The following DNAH11 variants were observed in gnomAD, a reference collection of about 807,000 sequenced individuals.
DNAH11 encodes the protein dynein axonemal heavy chain 11, also known as axonemal beta dynein heavy chain 11.
In DNAH11, 442 loss-of-function variants were observed where a neutral mutation model predicts 526.0. The ratio of observed to expected loss-of-function variants is 0.84; its 90% CI spans 0.78 to 0.91. The LOEUF (loss-of-function observed/expected upper bound fraction) is 0.91, where lower values mean the gene tolerates loss of function less well. Among genes scored for constraint, DNAH11 ranks in the 40% least tolerant of loss-of-function variants. DNAH11 has a pLI of 0.00. For missense variants in DNAH11, 6,989 were observed against 5,448.7 expected (o/e 1.28, Z -8.90); for synonymous variants, 2,461 against 1,935.9 (o/e 1.27, Z -7.12).
At chr7:21,571,021 G>A (rs1317897399) in intron 7 of DNAH11, among the ~76,000 whole-genome samples, 2 of 151,956 alleles carry the variant, frequency 1.3e-5, no homozygotes, top group Non-Finnish European at 2.9e-5. Flanking sequence ...GAGAATTCTC[G>A]TAATCACTTA....
chr7:21,821,325 G>A (rs1387810248), intron 65 of DNAH11, among the ~76,000 whole-genome samples: 1 of 152,162 alleles, frequency 6.6e-6, no homozygotes, highest in Non-Finnish European at 1.5e-5. Flanking sequence ...GTAAAAGGAT[G>A]TTGGTTGACC....
chr7:21,554,430 C>T (rs1013042961), intron 2 of DNAH11, among the ~76,000 whole-genome samples: 1 of 152,080 alleles, frequency 6.6e-6, no homozygotes, highest in Non-Finnish European at 1.5e-5. Context: ...CCATCTCGGC[C>T]TCCCAGCATG....
At chr7:21,763,351 A>AAAAAAAAAAAAGAAGAAAG (rs1787011531) in intron 54 of DNAH11, among the ~76,000 whole-genome samples, 1 of 91,106 alleles carries the variant, frequency 1.1e-5, no homozygotes, top group Non-Finnish European at 2.4e-5. Flanking sequence ...AAAAAAAAAA[A>AAAAAAAAAAAAGAAGAAAG]AAAAAGAAAA....
At chr7:21,720,570 C>T (rs183597077) in intron 43 of DNAH11, among the ~76,000 whole-genome samples, 155 bp from the exon 44 acceptor site, 7 of 152,128 alleles carry the variant, frequency 4.6e-5, no homozygotes, top group Non-Finnish European at 1.0e-4. Flanking sequence ...AACTTAGACA[C>T]CCAAGGTGGT....
intron 31 of DNAH11, among the ~76,000 whole-genome samples, chr7:21,682,432 G>A (rs146911368): frequency 1.6e-4 from 24 of 151,422 alleles, no homozygotes; most frequent in Admixed American, 8.6e-4. Context: ...AGGCTGAGGC[G>A]GGAGAATGGT....
At chr7:21,641,865 C>T (rs914862371) in intron 28 of DNAH11, among the ~76,000 whole-genome samples, 1 of 152,050 alleles carries the variant, frequency 6.6e-6, no homozygotes, top group Admixed American at 6.6e-5. Flanking sequence ...AGTACTAGTC[C>T]CCCTCCTTAA....
chr7:21,815,521 A>T (rs1308520330), intron 63 of DNAH11, among the ~76,000 whole-genome samples: 2 of 152,126 alleles, frequency 1.3e-5, no homozygotes, highest in African/African-American at 4.8e-5. Context: ...TCTGTGACAA[A>T]CCAATGAACC....
intron 40 of DNAH11, among the ~76,000 whole-genome samples, chr7:21,710,251 T>C (rs960565852): frequency 3.9e-5 from 6 of 152,218 alleles, no homozygotes. Context: ...TTTTGAGTTT[T>C]AGGTACGTTA....
chr7:21,645,491 C>T (rs536504978), intron 28 of DNAH11, among the ~76,000 whole-genome samples: 10 of 152,158 alleles, frequency 6.6e-5, no homozygotes, highest in South Asian at 6.2e-4. Flanking sequence ...ATGTGGCCAA[C>T]GGCATGAGAA....
At chr7:21,592,064 A>G (rs995370616) in intron 14 of DNAH11, among the ~76,000 whole-genome samples, 5 of 152,028 alleles carry the variant, frequency 3.3e-5, no homozygotes, top group African/African-American at 9.7e-5. Context: ...AACAGAAAAA[A>G]AACACACACA....
At chr7:21,754,588 G>A (rs1786546526) in intron 54 of DNAH11, among the ~76,000 whole-genome samples, 1 of 151,582 alleles carries the variant, frequency 6.6e-6, no homozygotes, top group Non-Finnish European at 1.5e-5. Flanking sequence ...ATCATCACAG[G>A]ACTATTAATT....
At chr7:21,692,599 G>A (rs1783680496) in intron 35 of DNAH11, among the ~76,000 whole-genome samples, 1 of 152,150 alleles carries the variant, frequency 6.6e-6, no homozygotes, top group African/African-American at 2.4e-5. Context: ...CTGTTTCCAG[G>A]TTGGGGCTAT....
chr7:21,714,311 G>A (rs1178912516), intron 42 of DNAH11, among the ~76,000 whole-genome samples: 3 of 152,156 alleles, frequency 2.0e-5, no homozygotes, highest in Non-Finnish European at 2.9e-5. Context: ...ATGGGTAGAT[G>A]TTAATTTTCA....
intron 6 of DNAH11, 26 bp downstream of exon 6, chr7:21,564,423 A>G (rs1783584344): frequency 6.4e-7 from 1 of 1,570,218 alleles, no homozygotes; most frequent in Non-Finnish European, 8.7e-7. Flanking sequence ...AAACAGGAAC[A>G]ATAAGAATTG....
At chr7:21,593,434 C>A (rs1353526875) in intron 14 of DNAH11, among the ~76,000 whole-genome samples, 4 of 152,088 alleles carry the variant, frequency 2.6e-5, no homozygotes, top group Non-Finnish European at 5.9e-5. Context: ...AAACCAACAA[C>A]TGGGCAGTAC....
chr7:21,680,720 G>A (rs1465157333), intron 30 of DNAH11, among the ~76,000 whole-genome samples: 3 of 152,058 alleles, frequency 2.0e-5, no homozygotes, highest in Admixed American at 6.5e-5. Context: ...CTACGAGTTC[G>A]ACGGACCTAA....
At chr7:21,825,513 A>C (rs962013941) in intron 65 of DNAH11, among the ~76,000 whole-genome samples, 23 of 152,214 alleles carry the variant, frequency 1.5e-4, no homozygotes, top group African/African-American at 5.3e-4. Flanking sequence ...CTTTCAGAGA[A>C]CTGAGAGAGA....
At chr7:21,730,582 A>T (rs2965369) in intron 45 of DNAH11, among the ~76,000 whole-genome samples, 2 of 151,942 alleles carry the variant, frequency 1.3e-5, no homozygotes, top group Non-Finnish European at 2.9e-5. Context: ...TAAGTAAAAT[A>T]AATCAGACAC....
chr7:21,805,435 C>CT (rs1789221207), intron 62 of DNAH11, among the ~76,000 whole-genome samples: 1 of 152,038 alleles, frequency 6.6e-6, no homozygotes, highest in Non-Finnish European at 1.5e-5. Flanking sequence ...GAATGAGTTA[C>CT]TAAATGGGTG....
Sources: gnomAD v4.1 joint callset for allele counts (sites outside exome capture counted in the v4.1 genomes callset) on GRCh38, gnomAD v4.1.1 for gene constraint, MANE v1.5 for transcripts, NCBI Gene and HGNC (gene_info 2026-07-23, HGNC 2026-07-21) for gene names.